Variants in ANKRD61 observed in about 807,000 individuals in gnomAD.
The protein encoded by ANKRD61 is ankyrin repeat domain 61, also known as ankyrin repeat domain-containing protein 61.
In ANKRD61, 7 loss-of-function variants were observed where a neutral mutation model predicts 8.4. The ratio of observed to expected loss-of-function variants is 0.84; its 90% CI spans 0.48 to 1.57. ANKRD61 has a LOEUF of 1.57. Ranked by LOEUF, ANKRD61 falls within the 40% of genes most tolerant of loss-of-function variation. The pLI, the probability that ANKRD61 is intolerant of heterozygous loss-of-function variation, is 0.00. For synonymous variants in ANKRD61, 198 were observed against 208.0 expected (o/e 0.95, Z 0.41); for missense variants, 516 against 523.4 (o/e 0.99, Z 0.14).
At chr7:6,031,703 A>C in intron 1 of ANKRD61, 112 bp downstream of exon 1, 1 of 1,015,664 alleles carries the variant, frequency 9.8e-7, no homozygotes, top group Non-Finnish European at 1.5e-6. Context: ...AGAATGAGAC[A>C]CGACTCCAGC....
intron 1 of ANKRD61, among the ~76,000 whole-genome samples, chr7:6,031,946 G>C (rs768753036): frequency 2.0e-4 from 31 of 152,296 alleles, no homozygotes; most frequent in Non-Finnish European, 3.8e-4. Flanking sequence ...GGCTGAGGTG[G>C]GTGGATCACC....
At position 6,036,049 on chromosome 7, in the gene ANKRD61, T is replaced by C. The variant is rs1038515603; in HGVS notation, c.920T>C (p.Leu307Ser). Residue 307 changes from leucine to serine, a missense_variant, in exon 3 of 3, where the codon TTA becomes TCA. Transcript: ENST00000409061. The surrounding 1 kb of genome is among the most constrained non-coding windows in gnomAD (Gnocchi z 4.6). ...LLEFEANVNI[L>S]TRNGESPIYM... ...GAATTTGAAGCAAATGTTAACATTT[T>C]AACAAGAAACGGGGAATCTCCAATT... is the stretch of plus-strand genomic sequence containing the variant. 38 of 1,550,948 alleles carry C rather than the reference T, an allele frequency of 2.5e-5. No homozygotes were observed. Among genetic ancestry groups the C allele is most frequent in the Non-Finnish European group, 3.3e-5 (38 of 1,147,136 alleles).
In ANKRD61 at chr7:6,032,862, C is replaced by G. The variant is rs1562744181; in HGVS notation, c.240C>G (p.Ile80Met). 2 of 1,551,050 alleles carry G rather than the reference C, an allele frequency of 1.3e-6. No individual in the cohort carries two copies. The highest frequency in any genetic ancestry group is 2.0e-5 in the Admixed American group (1 of 51,006). The change falls in exon 2 of 3, where the codon ATC becomes ATG. Residue 80 changes from isoleucine (I) to methionine (M), a missense_variant. Ile to Met is a conservative substitution (Grantham distance 10, BLOSUM62 1). Coordinates refer to ENST00000409061, the MANE Select transcript of ANKRD61 (RefSeq NM_001271700.2). This position sits in a 1 kb window ranked among gnomAD's most constrained non-coding sequence, Gnocchi z 4.3. ...AGCCGACAGAGTCTATCATCCCCATCCATCTGGCTGCCAAGTACCACAAGG... is the reference window on the plus strand; with the variant it reads ...AGCCGACAGAGTCTATCATCCCCATGCATCTGGCTGCCAAGTACCACAAGG... ...LTQPTESIIP[I>M]HLAAKYHKAQ...
Position 6,033,122 on chromosome 7 carries a change from C to G in ANKRD61, c.314+186C>G, listed in dbSNP as rs185999488. 1.2e-3 allele frequency among the ~76,000 whole-genome samples: 181 copies of G among 152,246 alleles called. No individual in the cohort carries two copies. The highest frequency in any genetic ancestry group is 3.9e-3 in the African/African-American group (164 of 41,546). On this transcript the variant is annotated intron_variant, in intron 2 of 2. Transcript: ENST00000409061. The surrounding 1 kb of genome is among the most constrained non-coding windows in gnomAD (Gnocchi z 4.4). The stretch of plus-strand genomic sequence containing the variant: ...TAGCTGGGATTACAGGTGTGCGTCA[C>G]CATGCCCAGCTAACATTTGTATTTT...
rs1788094321 is a variant in ANKRD61, at chr7:6,036,356, C to T, written c.1227C>T (p.Tyr409=). The change falls in exon 3 of 3, where the codon TAC becomes TAT. Residue 409 remains tyrosine (Y), a synonymous_variant. Transcript: ENST00000409061. The surrounding 1 kb of genome is among the most constrained non-coding windows in gnomAD (Gnocchi z 4.6). The part of the protein sequence containing the change: ...FLPVTIWNSV[Y]CCYDLAYTS ...CAGTGACAATATGGAATTCTGTCTA[C>T]TGCTGTTATGACTTGGCATATACCT... is the stretch of plus-strand genomic sequence containing the variant. 3 of 1,521,242 alleles carry T rather than the reference C, an allele frequency of 2.0e-6. No individual in the cohort carries two copies. Among genetic ancestry groups the T allele is most frequent in the Non-Finnish European group, 8.8e-7 (1 of 1,135,508 alleles). The allele number at this position is 1,521,242 out of a possible 1,614,324, so 94.2% of individuals were successfully genotyped here. A position where few individuals can be genotyped will look rare whatever the true frequency, so the allele number is the denominator to read the frequency against.
chr7:6,034,384 C>G (rs1788011840), intron 2 of ANKRD61, among the ~76,000 whole-genome samples: 1 of 152,098 alleles, frequency 6.6e-6, no homozygotes, highest in Non-Finnish European at 1.5e-5. Context: ...CTGTCTTGCT[C>G]CCAGCCTCTC....
chr7:6,036,052 C>T lies in ANKRD61; in HGVS notation c.923C>T (p.Thr308Ile), dbSNP rs1386404706. The T allele has an allele frequency of 6.4e-7, 1 of 1,551,048 alleles. No homozygotes were observed. Among genetic ancestry groups the T allele is most frequent in the South Asian group, 1.2e-5 (1 of 84,056 alleles). The change falls in exon 3 of 3, where the codon ACA becomes ATA. Residue 308 changes from threonine to isoleucine, a missense_variant. Physicochemically the swap from Thr to Ile is moderately conservative, Grantham distance 89 (BLOSUM62 -1). Transcript: ENST00000409061. The surrounding 1 kb of genome is among the most constrained non-coding windows in gnomAD (Gnocchi z 4.6). ...TTTGAAGCAAATGTTAACATTTTAA[C>T]AAGAAACGGGGAATCTCCAATTTAT... Reference protein sequence around the residue: ...LEFEANVNILTRNGESPIYMY... With the variant: ...LEFEANVNILIRNGESPIYMY...
chr7:6,036,113 G>T lies in ANKRD61; in HGVS notation c.984G>T (p.Thr328=), dbSNP rs947116446. ...YLQRSCNVRD[T]ALLARLLYHT... Reference sequence around the variant, plus strand: ...AGCGCAGTTGCAATGTAAGAGATACGGCACTTCTGGCCAGGCTACTTTATC... The same window carrying T: ...AGCGCAGTTGCAATGTAAGAGATACTGCACTTCTGGCCAGGCTACTTTATC... Residue 328 remains threonine, a synonymous_variant, in exon 3 of 3, where the codon ACG becomes ACT. Coordinates refer to ENST00000409061, the MANE Select transcript of ANKRD61 (RefSeq NM_001271700.2). This position sits in a 1 kb window ranked among gnomAD's most constrained non-coding sequence, Gnocchi z 4.6. 4 of 1,550,570 alleles carry T rather than the reference G, an allele frequency of 2.6e-6. No individual in the cohort carries two copies. The highest frequency in any genetic ancestry group is 3.5e-6 in the Non-Finnish European group (4 of 1,147,038).
Position 6,035,299 on chromosome 7 carries a change from C to G in ANKRD61, c.315-145C>G, listed in dbSNP as rs1476574431. The G allele has an allele frequency of 1.2e-6, 1 of 821,546 alleles. No homozygotes were observed. The highest frequency in any genetic ancestry group is 1.7e-5 in the African/African-American group (1 of 57,932). The allele number at this position is 821,546 out of a possible 1,614,324, so 50.9% of individuals were successfully genotyped here. A position where few individuals can be genotyped will look rare whatever the true frequency, so the allele number is the denominator to read the frequency against. The stretch of plus-strand genomic sequence containing the variant: ...ACCCTGGGATAGCCTGAGAAACTAC[C>G]CAGCGATACAGATTTTGAAACACGT... On this transcript the variant is annotated intron_variant, in intron 2 of 2. Transcript: ENST00000409061. The surrounding 1 kb of genome is among the most constrained non-coding windows in gnomAD (Gnocchi z 5.5).
chr7:6,031,565 G>T lies in ANKRD61; in HGVS notation c.190G>T (p.Ala64Ser), dbSNP rs778752001. Residue 64 changes from alanine (A) to serine (S), a missense_variant, in exon 1 of 3, where the codon GCC becomes TCC. Physicochemically the swap from Ala to Ser is moderately conservative, Grantham distance 99 (BLOSUM62 1). Transcript: ENST00000409061. Reference protein sequence around the residue: ...NQPITILPNSASNRLLLTQPT... With the variant: ...NQPITILPNSSSNRLLLTQPT... ...GCCCATCACCATTCTGCCCAACTCC[G>T]CCAGCAACAGATTACTTCTGACCCA... 1 of 1,550,658 alleles carries T rather than the reference G, an allele frequency of 6.4e-7. No individual in the cohort carries two copies.
In ANKRD61 at chr7:6,032,817, GTGT is replaced by G; in HGVS notation, c.217-20_217-18del. On this transcript the variant is annotated intron_variant, in intron 1 of 2. Coordinates refer to ENST00000409061, the MANE Select transcript of ANKRD61 (RefSeq NM_001271700.2). This position sits in a 1 kb window ranked among gnomAD's most constrained non-coding sequence, Gnocchi z 4.3. Reference sequence around the variant, plus strand: ...TTAACTACACAGGGCCACTTGTAATGTGTTTTGTTTTCCCTCCAAAGCCGACAG... The same window carrying G: ...TTAACTACACAGGGCCACTTGTAATGTTTGTTTTCCCTCCAAAGCCGACAG... 6.5e-7 allele frequency: 1 copy of G among 1,536,862 alleles called. No homozygotes were observed. The highest frequency in any genetic ancestry group is 8.8e-7 in the Non-Finnish European group (1 of 1,134,578).
At chr7:6,034,547 C>A (rs1387926556) in intron 2 of ANKRD61, among the ~76,000 whole-genome samples, 1 of 152,110 alleles carries the variant, frequency 6.6e-6, no homozygotes, top group South Asian at 2.1e-4. Context: ...AGAACTCTGC[C>A]GGCTTCCACT....
rs1174269929 is a variant in ANKRD61, at chr7:6,035,452, C to G, written c.323C>G (p.Thr108Arg). ...HGADPEVRDTTGLTTLNLMLL... is the reference protein window; with the variant it reads ...HGADPEVRDTRGLTTLNLMLL... ...ATCAATACCCATTCTAGGGACACGA[C>G]AGGCCTCACCACACTCAACTTAATG... Residue 108 changes from threonine to arginine, a missense_variant, in exon 3 of 3, where the codon ACA becomes AGA. Thr to Arg is a moderately conservative substitution (Grantham distance 71). Coordinates refer to ENST00000409061, the MANE Select transcript of ANKRD61 (RefSeq NM_001271700.2). The surrounding 1 kb of genome is among the most constrained non-coding windows in gnomAD (Gnocchi z 5.5). 1 of 1,549,958 alleles carries G rather than the reference C, an allele frequency of 6.5e-7. No homozygotes were observed. Among genetic ancestry groups the G allele is most frequent in the East Asian group, 2.4e-5 (1 of 40,916 alleles).
chr7:6,032,870 C>T lies in ANKRD61; in HGVS notation c.248C>T (p.Ala83Val). 1 of 1,551,070 alleles carries T rather than the reference C, an allele frequency of 6.4e-7. No homozygotes were observed. Among genetic ancestry groups the T allele is most frequent in the Non-Finnish European group, 8.7e-7 (1 of 1,147,026 alleles). ...GAGTCTATCATCCCCATCCATCTGG[C>T]TGCCAAGTACCACAAGGCCCAGAGT... ...PTESIIPIHL[A>V]AKYHKAQSLL... is the part of the protein sequence containing the mutation. The change falls in exon 2 of 3, where the codon GCT (alanine) becomes GTT (valine). Residue 83 changes from alanine (A) to valine (V), a missense_variant. By Grantham distance (64) the Ala-to-Val change is moderately conservative (BLOSUM62 0). Transcript: ENST00000409061. This position sits in a 1 kb window ranked among gnomAD's most constrained non-coding sequence, Gnocchi z 4.3.
Position 6,035,915 on chromosome 7 carries a change from T to G in ANKRD61, c.786T>G (p.Arg262=). The change falls in exon 3 of 3, where the codon CGT becomes CGG. Residue 262 remains arginine, a synonymous_variant. Transcript: ENST00000409061. The surrounding 1 kb of genome is among the most constrained non-coding windows in gnomAD (Gnocchi z 5.5). The part of the protein sequence containing the change: ...RLLGAGVSCI[R]LLLTHGAKVN... ...TCGGGGCGGGGGTCAGCTGCATCCG[T>G]CTGCTACTCACTCACGGAGCCAAAG... 1 of 1,547,228 alleles carries G rather than the reference T, an allele frequency of 6.5e-7. No homozygotes were observed. Among genetic ancestry groups the G allele is most frequent in the Non-Finnish European group, 8.7e-7 (1 of 1,144,840 alleles).
rs1252260140 is a variant in ANKRD61, at chr7:6,032,536, A to G, written c.217-303A>G. Among the ~76,000 whole-genome samples, 2 of 152,242 alleles carry G rather than the reference A, an allele frequency of 1.3e-5. No individual in the cohort carries two copies. Among genetic ancestry groups the G allele is most frequent in the Non-Finnish European group, 2.9e-5 (2 of 68,038 alleles). On this transcript the variant is annotated intron_variant, in intron 1 of 2. Coordinates refer to ENST00000409061, the MANE Select transcript of ANKRD61 (RefSeq NM_001271700.2). This position sits in a 1 kb window ranked among gnomAD's most constrained non-coding sequence, Gnocchi z 4.3. ...AGTGACTTCATAGCAAGTACCCTTA[A>G]TATCACACCACAGGCTCTTCTGAAG... is the stretch of plus-strand genomic sequence containing the variant.
In ANKRD61 at chr7:6,031,585, G is replaced by C; in HGVS notation, c.210G>C (p.Leu70=). 1 of 1,550,680 alleles carries C rather than the reference G, an allele frequency of 6.4e-7. No homozygotes were observed. Among genetic ancestry groups the C allele is most frequent in the Non-Finnish European group, 8.7e-7 (1 of 1,146,960 alleles). ...ACTCCGCCAGCAACAGATTACTTCT[G>C]ACCCAGGTACCCTCTTTTCTGCTCA... ...LPNSASNRLL[L]TQPTESIIPI... Residue 70 remains leucine, a synonymous_variant, in exon 1 of 3, where the codon CTG becomes CTC. Transcript: ENST00000409061.
In ANKRD61 at chr7:6,035,499, TCCA is replaced by T; in HGVS notation, c.375_377del (p.Thr126del). The T allele has an allele frequency of 1.3e-6, 2 of 1,551,066 alleles. No individual in the cohort carries two copies. The highest frequency in any genetic ancestry group is 1.7e-6 in the Non-Finnish European group (2 of 1,147,106). On this transcript the variant is annotated inframe_deletion, in exon 3 of 3. Transcript: ENST00000409061. The surrounding 1 kb of genome is among the most constrained non-coding windows in gnomAD (Gnocchi z 5.5). ...AATGCTACTGCACTGGCCAGTCACT[TCCA>T]CCACGTGGGCAAAACCAGGCAACAG...
rs77608502 is a variant in ANKRD61 at position 6,034,934 on chromosome 7, A to G, written c.315-510A>G. On this transcript the variant is annotated intron_variant, in intron 2 of 2. Coordinates refer to ENST00000409061, the MANE Select transcript of ANKRD61 (RefSeq NM_001271700.2). ...AAATGTCGGGTAGGAGAGCAGAGAC[A>G]GAGCCTCTAAGAAAGGAGTCAACGG... Among the ~76,000 whole-genome samples the G allele has an allele frequency of 7.3e-3, 1,118 of 152,290 alleles. 14 individuals carry two copies. The highest frequency in any genetic ancestry group is 0.021 in the African/African-American group (886 of 41,552).
Sources: allele counts gnomAD v4.1 joint callset (sites outside exome capture counted in the v4.1 genomes callset), GRCh38; gene constraint gnomAD v4.1.1; non-coding constraint Gnocchi (gnomAD v3.1); transcripts MANE v1.5; gene names NCBI Gene and HGNC (gene_info 2026-07-23, HGNC 2026-07-21).